The following PRTG variants were observed in gnomAD, a reference collection of about 807,000 sequenced individuals.
PRTG encodes immunoglobulin superfamily, DCC subclass, member 5.
A neutral mutation model predicts 122.5 loss-of-function variants in PRTG; 67 were observed. The observed-to-expected ratio is 0.55, with a 90% CI of 0.45 to 0.67. The LOEUF is 0.67. Ranked by LOEUF, PRTG falls within the 30% of genes least tolerant of loss-of-function variation. The probability of loss-of-function intolerance (pLI) is 0.00; values close to 1 mark genes in which losing one functional copy is unlikely to be tolerated. For synonymous variants in PRTG, 554 were observed against 501.1 expected (o/e 1.11, Z -1.41); for missense variants, 1,435 against 1,415.4 (o/e 1.01, Z -0.22).
intron 2 of PRTG, among the ~76,000 whole-genome samples, chr15:55,714,913 C>T (rs2030543286): frequency 6.6e-6 from 1 of 152,150 alleles, no homozygotes; most frequent in Admixed American, 6.5e-5. Context: ...TCTTTAACAT[C>T]TTAGCAGAGT....
At position 55,626,904 on chromosome 15, in the gene PRTG, G is replaced by A. The variant is rs1216625665; in HGVS notation, c.2927+104C>T. 1.1e-5 allele frequency: 11 copies of A among 987,398 alleles called. No individual in the cohort carries two copies. In the Admixed American group the frequency reaches 3.0e-4, roughly 27 times the overall value. 61.2% of individuals were successfully genotyped at this position (987,398 alleles called of 1,614,324 possible). Reference sequence around the variant, plus strand: ...AATACTGCACATTTATTTTAAAGTAGGAAATCCCAGTTACTCTAAAAGGCA... The same window carrying A: ...AATACTGCACATTTATTTTAAAGTAAGAAATCCCAGTTACTCTAAAAGGCA... On this transcript the variant is annotated intron_variant, in intron 17 of 19. Transcript: ENST00000389286.
chr15:55,716,061 A>G (rs990398217), intron 2 of PRTG, among the ~76,000 whole-genome samples: 3 of 152,246 alleles, frequency 2.0e-5, no homozygotes, highest in Non-Finnish European at 4.4e-5. Flanking sequence ...TTGCCAACAA[A>G]TTACAAATGA....
intron 11 of PRTG, among the ~76,000 whole-genome samples, chr15:55,657,732 ATAG>A (rs1369858023): frequency 6.6e-6 from 1 of 152,222 alleles, no homozygotes; most frequent in Non-Finnish European, 1.5e-5. Context: ...ATTTCTAGCA[ATAG>A]TAGAAGACCA....
intron 2 of PRTG, among the ~76,000 whole-genome samples, chr15:55,723,733 C>G (rs1282188539): frequency 8.7e-5 from 13 of 149,204 alleles, no homozygotes; most frequent in Admixed American, 8.2e-4. Context: ...AGATTAATAG[C>G]CATATTCTTT....
At chr15:55,633,053 C>T (rs973273901) in intron 15 of PRTG, among the ~76,000 whole-genome samples, 1 of 152,126 alleles carries the variant, frequency 6.6e-6, no homozygotes, top group Admixed American at 6.5e-5. Context: ...TGGTATTCCT[C>T]CAACTTATTT....
chr15:55,697,869 T>A (rs554439947), intron 2 of PRTG, among the ~76,000 whole-genome samples: 7 of 152,326 alleles, frequency 4.6e-5, no homozygotes, highest in South Asian at 2.1e-4. Flanking sequence ...TAACGTAAGG[T>A]AATGCATGTA....
chr15:55,742,819 C>G lies in PRTG; in HGVS notation c.94+19G>C. The G allele has an allele frequency of 1.3e-6, 2 of 1,540,784 alleles. No individual in the cohort carries two copies. Among genetic ancestry groups the G allele is most frequent in the South Asian group, 2.4e-5 (2 of 83,774 alleles). The stretch of plus-strand genomic sequence containing the variant: ...CCCGCCCCACAGCGGTAAGAGAAAG[C>G]AGAAGAAAGCGCGCCCACCTGGCAA... On this transcript the variant is annotated intron_variant, in intron 1 of 19. Transcript: ENST00000389286.
intron 11 of PRTG, among the ~76,000 whole-genome samples, chr15:55,670,454 C>T (rs1297300082): frequency 6.6e-6 from 1 of 152,010 alleles, no homozygotes; most frequent in East Asian, 1.9e-4. Flanking sequence ...TTTCTCGAAT[C>T]AATAATATGC....
At chr15:55,656,102 C>A in intron 11 of PRTG, 1 of 222,146 alleles carries the variant, frequency 4.5e-6, no homozygotes, top group East Asian at 1.3e-4. Context: ...ATTATTATAC[C>A]CAACAAATTT....
rs545917921 is a variant in PRTG, at chr15:55,632,906, G to A, written c.2624-3902C>T. Among the ~76,000 whole-genome samples the A allele has an allele frequency of 1.8e-4, 27 of 152,306 alleles. No individual in the cohort carries two copies. In the East Asian group the frequency reaches 5.0e-3, roughly 28 times the overall value. On this transcript the variant is annotated intron_variant, in intron 15 of 19. Coordinates refer to ENST00000389286, the MANE Select transcript of PRTG (RefSeq NM_173814.6). ...GAGCCTGGCACATAGTCATCACTCA[G>A]TAAGAATTAGTTTAGTAAAAGAAAA...
At chr15:55,692,028 C>A (rs1030616685) in intron 2 of PRTG, among the ~76,000 whole-genome samples, 2 of 151,756 alleles carry the variant, frequency 1.3e-5, no homozygotes, top group Admixed American at 6.6e-5. Flanking sequence ...CAGAATGAGA[C>A]CTTGCCTCAA....
At chr15:55,737,066 T>G (rs2031434803) in intron 2 of PRTG, among the ~76,000 whole-genome samples, 1 of 152,210 alleles carries the variant, frequency 6.6e-6, no homozygotes, top group Admixed American at 6.5e-5. Context: ...TAACCATAGA[T>G]CATTTCTTAT....
At chr15:55,656,354 G>A in intron 11 of PRTG, 1 of 455,360 alleles carries the variant, frequency 2.2e-6, no homozygotes, top group Non-Finnish European at 4.4e-6. Context: ...TTAGATTCGG[G>A]CTAAACATTT....
At chr15:55,685,041 C>T (rs1213756123) in intron 2 of PRTG, among the ~76,000 whole-genome samples, 1 of 152,234 alleles carries the variant, frequency 6.6e-6, no homozygotes, top group Non-Finnish European at 1.5e-5. Context: ...TCCCTTCCTT[C>T]TACTAAGTCT....
intron 2 of PRTG, among the ~76,000 whole-genome samples, chr15:55,722,555 A>C (rs950604359): frequency 7.9e-5 from 12 of 152,204 alleles, no homozygotes; most frequent in African/African-American, 2.2e-4. Flanking sequence ...TCTCATGCTG[A>C]AAACTAAAAC....
At chr15:55,709,891 C>T (rs570197321) in intron 2 of PRTG, among the ~76,000 whole-genome samples, 2 of 152,078 alleles carry the variant, frequency 1.3e-5, no homozygotes, top group Non-Finnish European at 2.9e-5. Flanking sequence ...AAGAAACTTT[C>T]GGGAGAGATG....
At chr15:55,632,693 A>T (rs1196825954) in intron 15 of PRTG, among the ~76,000 whole-genome samples, 2 of 152,022 alleles carry the variant, frequency 1.3e-5, no homozygotes, top group African/African-American at 4.8e-5. Flanking sequence ...TTTGAATGTC[A>T]TTTCTTCCGC....
intron 15 of PRTG, among the ~76,000 whole-genome samples, chr15:55,630,692 T>G (rs1175867743): frequency 6.6e-6 from 1 of 152,200 alleles, no homozygotes; most frequent in Non-Finnish European, 1.5e-5. Flanking sequence ...GTCCTTGTTC[T>G]GCCACTGCAC....
At chr15:55,656,384 G>A (rs1437198600) in intron 11 of PRTG, 1 of 451,820 alleles carries the variant, frequency 2.2e-6, no homozygotes, top group East Asian at 7.0e-5. Flanking sequence ...ATACTACAAA[G>A]GTTAAATTAT....
Sources: gnomAD v4.1 joint callset for allele counts (sites outside exome capture counted in the v4.1 genomes callset) on GRCh38, gnomAD v4.1.1 for gene constraint, MANE v1.5 for transcripts, NCBI Gene and HGNC (gene_info 2026-07-23, HGNC 2026-07-21) for gene names.